The following SMYD1 variants were observed in gnomAD, a reference collection of about 807,000 sequenced individuals.
The protein encoded by SMYD1 is histone-lysine N-methyltransferase SMYD1.
In SMYD1, 49 loss-of-function variants were observed where a neutral mutation model predicts 54.0. That is an observed-to-expected ratio of 0.91 (90% CI 0.72 to 1.15). SMYD1 has a LOEUF of 1.15. SMYD1 is among the 50% of genes most tolerant of loss of function. SMYD1 has a pLI of 0.00. For synonymous variants in SMYD1, 269 were observed against 234.2 expected, an observed-to-expected ratio of 1.15 and a Z score of -1.36; for missense variants, 653 against 639.6, an observed-to-expected ratio of 1.02 and a Z score of -0.23.
At position 88,110,639 on chromosome 2, in the gene SMYD1, T is replaced by G. The variant is rs564706041; in HGVS notation, c.*127T>G. The G allele has an allele frequency of 1.6e-6, 2 of 1,252,136 alleles. No individual in the cohort carries two copies. Among genetic ancestry groups the G allele is most frequent in the South Asian group, 3.5e-5 (2 of 57,528 alleles). 77.6% of individuals were successfully genotyped at this position (1,252,136 alleles called of 1,614,324 possible). A position where few individuals can be genotyped will look rare whatever the true frequency, so the allele number is the denominator to read the frequency against. ...TGCTTAACATTGTTGCTGTGAGAAT[T>G]TACTGCCCTATGTTTCCCAGAGCCA... On this transcript the variant is annotated 3_prime_UTR_variant, in exon 10 of 10. Transcript: ENST00000419482.
intron 6 of SMYD1, among the ~76,000 whole-genome samples, chr2:88,097,540 G>A (rs537016988): frequency 5.8e-4 from 88 of 152,336 alleles, no homozygotes; most frequent in Non-Finnish European, 9.7e-4. Context: ...GCTGTGCTCA[G>A]GGGGAGGATG....
rs183972347 is a variant in SMYD1, at chr2:88,095,428, G to A, written c.699-1167G>A. ...TCACCTCAGATGCCTGGATATGAAC[G>A]TCACTACCATTCAGCAGTTGCTCCC... is the stretch of plus-strand genomic sequence containing the variant. On this transcript the variant is annotated intron_variant, in intron 5 of 9. Transcript: ENST00000419482. Among the ~76,000 whole-genome samples, 379 of 152,302 alleles carry A rather than the reference G, an allele frequency of 2.5e-3. 3 individuals are homozygous for A. Among genetic ancestry groups the A allele is most frequent in the African/African-American group, 8.4e-3 (351 of 41,576 alleles).
intron 3 of SMYD1, among the ~76,000 whole-genome samples, chr2:88,090,040 T>C (rs1461343101): frequency 6.6e-6 from 1 of 152,220 alleles, no homozygotes; most frequent in African/African-American, 2.4e-5. Context: ...TTGGAGCTTA[T>C]CTAGTCCAAT....
intron 5 of SMYD1, 111 bp from the exon 6 acceptor site, chr2:88,096,484 G>A: frequency 6.6e-6 from 6 of 914,772 alleles, no homozygotes; most frequent in African/African-American, 1.7e-5. Context: ...GTTTCTGAGT[G>A]TCAGTGAAAG....
Position 88,075,055 on chromosome 2 carries a change from T to G in SMYD1, c.137+7054T>G, listed in dbSNP as rs79970466. 2.4e-3 allele frequency among the ~76,000 whole-genome samples: 364 copies of G among 152,292 alleles called. 1 individual carries two copies. The highest frequency in any genetic ancestry group is 3.7e-3 in the Non-Finnish European group (251 of 68,020). ...AAGGATTAGAGAAATTCCGGAACAATTAGTTCAGAAAATGAGTAAGTGCTA... is the reference window on the plus strand; with the variant it reads ...AAGGATTAGAGAAATTCCGGAACAAGTAGTTCAGAAAATGAGTAAGTGCTA... On this transcript the variant is annotated intron_variant, in intron 1 of 9. Coordinates refer to ENST00000419482, the MANE Select transcript of SMYD1 (RefSeq NM_198274.4).
intron 1 of SMYD1, among the ~76,000 whole-genome samples, chr2:88,070,267 T>C (rs1299251631): frequency 6.6e-6 from 1 of 152,152 alleles, no homozygotes; most frequent in Non-Finnish European, 1.5e-5. Context: ...TCAGCCACCA[T>C]AGATGAGAAA....
intron 1 of SMYD1, chr2:88,083,270 G>A (rs1047877432): frequency 9.2e-5 from 14 of 152,312 alleles, no homozygotes; most frequent in African/African-American, 3.4e-4. Context: ...GAGGTCCAGA[G>A]ATTCTGTACA....
chr2:88,110,301 A>C, intron 9 of SMYD1, 53 bp from the exon 10 acceptor site: 2 of 1,544,874 alleles, frequency 1.3e-6, no homozygotes, highest in Non-Finnish European at 1.8e-6. Flanking sequence ...ATCAGAGACC[A>C]GCATGTCCTA....
chr2:88,094,697 C>T (rs1211358125), intron 5 of SMYD1, among the ~76,000 whole-genome samples: 5 of 152,088 alleles, frequency 3.3e-5, no homozygotes, highest in Non-Finnish European at 1.5e-5. Context: ...ACCCTGAGAC[C>T]GTGCAAGAAT....
At chr2:88,084,613 A>G (rs188538781) in intron 2 of SMYD1, 121 bp downstream of exon 2, 4 of 893,000 alleles carry the variant, frequency 4.5e-6, no homozygotes, top group Admixed American at 5.2e-5. Context: ...AACAGCCTCA[A>G]AGACTGGATA....
At chr2:88,104,212 C>T (rs941186681) in intron 7 of SMYD1, among the ~76,000 whole-genome samples, 4 of 152,138 alleles carry the variant, frequency 2.6e-5, no homozygotes, top group Admixed American at 1.3e-4. Flanking sequence ...ATGATCTGCC[C>T]GCCTTGGCCT....
intron 1 of SMYD1, 102 bp from the exon 2 acceptor site, chr2:88,084,214 G>T (rs1674265395): frequency 3.1e-6 from 3 of 966,656 alleles, no homozygotes; most frequent in South Asian, 5.9e-5. Flanking sequence ...GATAAATAAG[G>T]ACCAGCCAGC....
At position 88,067,848 on chromosome 2, in the gene SMYD1, G is replaced by T. The variant is rs749438411; in HGVS notation, c.-17G>T. The stretch of plus-strand genomic sequence containing the variant: ...TCAGTGTTAAATAACTGCCGCGCTG[G>T]CCTGACAGTCTCTGAGATGACAATA... On this transcript the variant is annotated 5_prime_UTR_variant, in exon 1 of 10. Transcript: ENST00000419482. The T allele has an allele frequency of 3.7e-6, 6 of 1,612,094 alleles. No individual in the cohort carries two copies. Among genetic ancestry groups the T allele is most frequent in the Non-Finnish European group, 5.1e-6 (6 of 1,179,350 alleles).
In SMYD1 at chr2:88,088,060, G is replaced by C; in HGVS notation, c.513G>C (p.Ser171=). 6.2e-7 allele frequency: 1 copy of C among 1,613,560 alleles called. No homozygotes were observed. The highest frequency in any genetic ancestry group is 2.2e-5 in the East Asian group (1 of 44,838). Residue 171 remains serine (S), a synonymous_variant, in exon 3 of 10, where the codon TCG becomes TCC. Coordinates refer to ENST00000419482, the MANE Select transcript of SMYD1 (RefSeq NM_198274.4). The part of the protein sequence containing the change: ...QSQQFSMQYI[S]HIFGVINCNG... ...AGCAGTTCAGCATGCAGTACATCTC[G>C]CACATCTTCGGAGTGGTAGGCCCCC...
At chr2:88,076,989 A>C (rs1002791435) in intron 1 of SMYD1, among the ~76,000 whole-genome samples, 17 of 148,188 alleles carry the variant, frequency 1.1e-4, no homozygotes, top group Non-Finnish European at 2.5e-4. Context: ...TCCAGCCTGG[A>C]GGACAGAGAA....
At chr2:88,103,740 T>A (rs1359234084) in intron 7 of SMYD1, among the ~76,000 whole-genome samples, 1 of 152,128 alleles carries the variant, frequency 6.6e-6, no homozygotes, top group Admixed American at 6.5e-5. Flanking sequence ...CGAGACCCAC[T>A]GCCAAACACT....
At position 88,110,510 on chromosome 2, in the gene SMYD1, T is replaced by G. The variant is rs371260463; in HGVS notation, c.1471T>G (p.Ter491GlyextTer14). Residue 491 changes from the stop codon to glycine, a stop_lost, in exon 10 of 10, where the codon TGA becomes GGA. Coordinates refer to ENST00000419482, the MANE Select transcript of SMYD1 (RefSeq NM_198274.4). ...PSPALFHKKQ[*>G] ...CCCAGCTCTGTTCCACAAGAAGCAA[T>G]GAGGACTGCCCAGTGGAGGAGGGGC... is the stretch of plus-strand genomic sequence containing the variant. 6.3e-7 allele frequency: 1 copy of G among 1,575,260 alleles called. No homozygotes were observed. Among genetic ancestry groups the G allele is most frequent in the African/African-American group, 1.3e-5 (1 of 74,330 alleles).
At chr2:88,093,413 A>C (rs1412530489) in intron 4 of SMYD1, 104 bp from the exon 5 acceptor site, 2 of 1,366,250 alleles carry the variant, frequency 1.5e-6, no homozygotes, top group South Asian at 1.2e-5. Context: ...GTGATGGCCA[A>C]AGCTTTGATA....
chr2:88,070,911 C>T (rs558135649), intron 1 of SMYD1, among the ~76,000 whole-genome samples: 49 of 128,610 alleles, frequency 3.8e-4, no homozygotes, highest in Admixed American at 9.4e-4. Context: ...CCACTGCACT[C>T]TAGCCTGGGT....
Sources: allele counts gnomAD v4.1 joint callset (sites outside exome capture counted in the v4.1 genomes callset), GRCh38; gene constraint gnomAD v4.1.1; transcripts MANE v1.5; gene names NCBI Gene and HGNC (gene_info 2026-07-23, HGNC 2026-07-21).